Variants in FN1 observed in about 807,000 individuals in gnomAD.
The protein encoded by FN1 is fibronectin 1, also known as fibronectin.
Under a neutral mutation model 297.3 loss-of-function variants are expected in FN1, and 106 were observed. The observed-to-expected ratio is 0.36, with a 90% CI of 0.30 to 0.42. The LOEUF (loss-of-function observed/expected upper bound fraction) is 0.42. FN1 is among the 10% of genes least tolerant of loss of function. The pLI is 1.00. For synonymous variants in FN1, 1,149 were observed against 1,152.6 expected (o/e 1.00, Z 0.06); for missense variants, 2,690 against 3,124.9 (o/e 0.86, Z 3.32).
At chr2:215,427,727 A>G (rs1471362074) in intron 6 of FN1, among the ~76,000 whole-genome samples, 1 of 152,238 alleles carries the variant, frequency 6.6e-6, no homozygotes, top group Non-Finnish European at 1.5e-5. Flanking sequence ...AGTATATTTC[A>G]TTCAAAAACA....
intron 42 of FN1, among the ~76,000 whole-genome samples, chr2:215,365,966 A>ATTTTTTTTTTTTTTTTT (rs559516647): frequency 8.9e-5 from 8 of 90,338 alleles, no homozygotes; most frequent in African/African-American, 2.4e-4. Context: ...CCACAGTGCT[A>ATTTTTTTTTTTTTTTTT]TTTTTTTTTT....
intron 9 of FN1, among the ~76,000 whole-genome samples, chr2:215,422,657 CA>C (rs1442591309): frequency 6.6e-6 from 1 of 152,286 alleles, no homozygotes; most frequent in East Asian, 1.9e-4. Context: ...CTAAACTCAG[CA>C]TCTTCTTTTG....
At chr2:215,394,372 C>T (rs1237713908) in intron 24 of FN1, among the ~76,000 whole-genome samples, 156 bp downstream of exon 24, 1 of 152,194 alleles carries the variant, frequency 6.6e-6, no homozygotes, top group Non-Finnish European at 1.5e-5. Context: ...TTGTCCAAAT[C>T]GCTGCTTTGA....
intron 25 of FN1, chr2:215,392,336 G>A (rs1358304454): frequency 5.5e-6 from 1 of 183,336 alleles, no homozygotes; most frequent in African/African-American, 2.4e-5. Context: ...GCACAGCAGA[G>A]AACCTTTAAA....
Position 215,422,165 on chromosome 2 carries a change from C to A in FN1, c.1472G>T (p.Gly491Val), listed in dbSNP as rs374421953. ...GDQWDKQHDM[G>V]HMMRCTCVGN... is the part of the protein sequence containing the mutation. ...AACACACGTGCACCTCATCATGTGA[C>A]CCATGTCATGCTGCTTATCCCACTG... The change falls in exon 10 of 46, where the codon GGT (glycine) becomes GTT (valine). Residue 491 changes from glycine to valine, a missense_variant. By Grantham distance (109) the Gly-to-Val change is moderately radical. Around this residue, in one of 3 missense-constraint regions of FN1, gnomAD observed 876 missense variants for 1,058.1 expected, o/e 0.83. Transcript: ENST00000354785. 2 of 1,614,024 alleles carry A rather than the reference C, an allele frequency of 1.2e-6. No homozygotes were observed. The highest frequency in any genetic ancestry group is 1.3e-5 in the African/African-American group (1 of 74,934).
At chr2:215,409,903 G>A (rs1279508149) in intron 14 of FN1, 31 bp downstream of exon 14, 2 of 1,612,636 alleles carry the variant, frequency 1.2e-6, no homozygotes, top group Admixed American at 3.3e-5. Context: ...AACCTCGGGG[G>A]TAGGAGGCAT....
chr2:215,408,123 G>A lies in FN1; in HGVS notation c.2503C>T (p.Gln835Ter), dbSNP rs1319133784. The A allele has an allele frequency of 6.2e-7, 1 of 1,613,934 alleles. No individual in the cohort carries two copies. The highest frequency in any genetic ancestry group is 1.3e-5 in the African/African-American group (1 of 75,032). The change falls in exon 17 of 46, where the codon CAG becomes TAG. Residue 835 changes from glutamine (Q) to a stop codon, truncating the protein, a stop_gained. Coordinates refer to ENST00000354785, the MANE Select transcript of FN1 (RefSeq NM_212482.4). LOFTEE classifies it high-confidence loss of function. ...TSIVVRWSRP[Q>*]APITGYRIVY... is the part of the protein sequence containing the mutation. Reference sequence around the variant, plus strand: ...CTTAGCTGACCTGTGATGGGAGCCTGGGGTCTGCTCCAGCGAACAACAATT... The same window carrying A: ...CTTAGCTGACCTGTGATGGGAGCCTAGGGTCTGCTCCAGCGAACAACAATT...
At chr2:215,413,762 A>G (rs1331243629) in intron 13 of FN1, among the ~76,000 whole-genome samples, 2 of 152,252 alleles carry the variant, frequency 1.3e-5, no homozygotes, top group African/African-American at 4.8e-5. Context: ...AAAAGGATAT[A>G]TGGAAGATAA....
At position 215,404,517 on chromosome 2, in the gene FN1, T is replaced by C. The variant is rs532737231; in HGVS notation, c.3125A>G (p.Tyr1042Cys). The stretch of plus-strand genomic sequence containing the variant: ...CTTGGAGACAGAGGGACCCACATTG[T>C]ACTGCCTGGGCTGTCCTCTTCGGGT... ...GLTRRGQPRQ[Y>C]NVGPSVSKYP... Residue 1042 changes from tyrosine (Y) to cysteine (C), a missense_variant, in exon 20 of 46, where the codon TAC becomes TGC. Physicochemically the swap from Tyr to Cys is radical, Grantham distance 194. Around this residue, in one of 3 missense-constraint regions of FN1, gnomAD observed 1,743 missense variants for 1,945.2 expected, o/e 0.90. Transcript: ENST00000354785. 8 of 1,614,158 alleles carry C rather than the reference T, an allele frequency of 5.0e-6. 1 individual carries two copies. In the Admixed American group the frequency reaches 1.3e-4, roughly 27 times the overall value.
At chr2:215,361,663 A>G (rs1385753164) in intron 45 of FN1, 37 bp from the exon 46 acceptor site, 2 of 1,465,230 alleles carry the variant, frequency 1.4e-6, no homozygotes. Context: ...AATTAGTGGC[A>G]AATACTGTAA....
At chr2:215,368,260 T>G (rs1302326726) in intron 41 of FN1, among the ~76,000 whole-genome samples, 1 of 152,212 alleles carries the variant, frequency 6.6e-6, no homozygotes, top group East Asian at 1.9e-4. Flanking sequence ...TTTCCCTTGC[T>G]TCTAAGATAA....
intron 31 of FN1, among the ~76,000 whole-genome samples, chr2:215,382,528 G>T (rs1199707625): frequency 1.3e-5 from 2 of 152,150 alleles, no homozygotes; most frequent in Non-Finnish European, 2.9e-5. Context: ...TGGGAGTGAA[G>T]TCACACTCAA....
intron 10 of FN1, 97 bp downstream of exon 10, chr2:215,421,994 T>G: frequency 8.8e-7 from 1 of 1,142,004 alleles, no homozygotes; most frequent in Non-Finnish European, 1.3e-6. Context: ...CCATATTTCT[T>G]CCCCTGCTTT....
At position 215,396,909 on chromosome 2, in the gene FN1, C is replaced by G. The variant is rs193146648; in HGVS notation, c.3604+228G>C. On this transcript the variant is annotated intron_variant, in intron 23 of 45. Transcript: ENST00000354785. Reference sequence around the variant, plus strand: ...CAGCTGTGTGAGGATCTGTCTTGTCCCCCTAGACTAGTGTAAGGTTGTTCT... The same window carrying G: ...CAGCTGTGTGAGGATCTGTCTTGTCGCCCTAGACTAGTGTAAGGTTGTTCT... 1.3e-3 allele frequency among the ~76,000 whole-genome samples: 200 copies of G among 152,260 alleles called. 2 individuals carry two copies. The highest frequency in any genetic ancestry group is 2.5e-4 in the Non-Finnish European group (17 of 68,020).
Position 215,409,543 on chromosome 2 carries a change from G to A in FN1, c.2299+20C>T. The A allele has an allele frequency of 6.2e-7, 1 of 1,611,140 alleles. No individual in the cohort carries two copies. Among genetic ancestry groups the A allele is most frequent in the Non-Finnish European group, 8.5e-7 (1 of 1,178,812 alleles). On this transcript the variant is annotated intron_variant, in intron 15 of 45. Coordinates refer to ENST00000354785, the MANE Select transcript of FN1 (RefSeq NM_212482.4). Reference sequence around the variant, plus strand: ...CCAGCAGCTGCCCTGAACCTGTCTTGAGCGACATATTGAGCTTACCCAGGT... The same window carrying A: ...CCAGCAGCTGCCCTGAACCTGTCTTAAGCGACATATTGAGCTTACCCAGGT...
intron 5 of FN1, among the ~76,000 whole-genome samples, chr2:215,430,126 T>A (rs181421368): frequency 6.6e-6 from 1 of 152,336 alleles, no homozygotes; most frequent in Admixed American, 6.5e-5. Flanking sequence ...AGGTTCAAAT[T>A]ATTTGGATTT....
chr2:215,392,830 A>G (rs1482148796), intron 25 of FN1, 101 bp downstream of exon 25: 17 of 1,360,280 alleles, frequency 1.2e-5, no homozygotes, highest in Admixed American at 1.2e-4. Context: ...TCTTTGGCCA[A>G]TTGCTGACTT....
Position 215,391,784 on chromosome 2 carries a change from G to T in FN1, c.4100C>A (p.Thr1367Asn). The T allele has an allele frequency of 6.2e-7, 1 of 1,614,138 alleles. No homozygotes were observed. Among genetic ancestry groups the T allele is most frequent in the African/African-American group, 1.3e-5 (1 of 75,042 alleles). The part of the protein sequence containing the change: ...AVPPPTDLRF[T>N]NIGPDTMRVT... ...ACGCATGGTGTCTGGACCAATGTTG[G>T]TGAATCGCAGGTCAGTGGGAGGAGG... The change falls in exon 26 of 46, where the codon ACC (threonine) becomes AAC (asparagine). Residue 1367 changes from threonine (T) to asparagine (N), a missense_variant. By Grantham distance (65) the Thr-to-Asn change is moderately conservative. This residue lies in a region of FN1 where 1,743 missense variants were observed against 1,945.2 expected (regional missense o/e 0.90). Transcript: ENST00000354785.
intron 1 of FN1, among the ~76,000 whole-genome samples, chr2:215,435,441 G>A (rs1366399608): frequency 6.6e-6 from 1 of 152,186 alleles, no homozygotes; most frequent in Non-Finnish European, 1.5e-5. Context: ...GAAAGTCGCA[G>A]AGTCCTCGTC....
Sources: gnomAD v4.1 joint callset for allele counts (sites outside exome capture counted in the v4.1 genomes callset) on GRCh38, gnomAD v4.1.1 for gene constraint, gnomAD v4.1.1 regional missense constraint, MANE v1.5 for transcripts, NCBI Gene and HGNC (gene_info 2026-07-23, HGNC 2026-07-21) for gene names.